Variants in WIPF1 observed in about 807,000 individuals in gnomAD.
WIPF1 encodes the protein WAS/WASL-interacting protein family member 1.
WIPF1 carries 13 observed loss-of-function variants against 35.4 expected under a neutral mutation model. The observed-to-expected ratio is 0.37, with a 90% CI of 0.24 to 0.58. The LOEUF (loss-of-function observed/expected upper bound fraction) is 0.58. WIPF1 is among the 20% of genes least tolerant of loss of function. The pLI, the probability that WIPF1 is intolerant of heterozygous loss-of-function variation, is 0.74. For synonymous variants in WIPF1, 267 were observed against 266.3 expected (o/e 1.00, Z -0.02); for missense variants, 591 against 667.0 (o/e 0.89, Z 1.25).
chr2:174,672,100 G>A (rs1309124123), intron 1 of WIPF1, among the ~76,000 whole-genome samples: 5 of 151,878 alleles, frequency 3.3e-5, no homozygotes, highest in African/African-American at 4.8e-5. Context: ...TCTCTCTTTT[G>A]TACTCTTTCC....
intron 4 of WIPF1, chr2:174,574,833 A>G: frequency 1.4e-6 from 1 of 716,026 alleles, no homozygotes; most frequent in South Asian, 1.5e-5. Flanking sequence ...ACTCTACTAG[A>G]CAGCTGGGCT....
At chr2:174,607,126 G>GACCT (rs909173605) in intron 1 of WIPF1, among the ~76,000 whole-genome samples, 2 of 152,188 alleles carry the variant, frequency 1.3e-5, no homozygotes, top group African/African-American at 4.8e-5. Flanking sequence ...GAGCACTCAG[G>GACCT]ACCTAATCAT....
chr2:174,648,193 AACATTGT>A (rs1687458132), intron 1 of WIPF1, among the ~76,000 whole-genome samples: 1 of 152,212 alleles, frequency 6.6e-6, no homozygotes, highest in African/African-American at 2.4e-5. Flanking sequence ...ATGAATGGGG[AACATTGT>A]ACGTTGTATA....
chr2:174,666,561 A>G (rs1687896043), intron 1 of WIPF1, among the ~76,000 whole-genome samples: 1 of 152,222 alleles, frequency 6.6e-6, no homozygotes, highest in Non-Finnish European at 1.5e-5. Flanking sequence ...ATTAGTTTAC[A>G]TTGGAGCTGG....
intron 1 of WIPF1, among the ~76,000 whole-genome samples, chr2:174,661,815 G>A (rs1687766708): frequency 6.6e-6 from 1 of 152,148 alleles, no homozygotes; most frequent in African/African-American, 2.4e-5. Context: ...AGGAGCAAGG[G>A]TGACCACCTT....
intron 1 of WIPF1, among the ~76,000 whole-genome samples, chr2:174,607,722 C>T (rs1465260077): frequency 6.6e-6 from 1 of 152,046 alleles, no homozygotes; most frequent in Non-Finnish European, 1.5e-5. Context: ...TGGCTGCTCC[C>T]CTCACTCCAC....
intron 5 of WIPF1, among the ~76,000 whole-genome samples, chr2:174,570,272 A>G (rs1197966058): frequency 2.6e-5 from 4 of 152,244 alleles, no homozygotes; most frequent in African/African-American, 7.2e-5. Context: ...AGCAAACAAT[A>G]TATGTAGTGG....
intron 1 of WIPF1, among the ~76,000 whole-genome samples, chr2:174,614,537 A>G (rs1407942058): frequency 2.0e-5 from 3 of 152,166 alleles, no homozygotes; most frequent in Non-Finnish European, 2.9e-5. Context: ...CACAATTCCT[A>G]TCATTATTCC....
At chr2:174,637,258 G>A (rs537407088) in intron 1 of WIPF1, among the ~76,000 whole-genome samples, 7 of 151,140 alleles carry the variant, frequency 4.6e-5, no homozygotes, top group African/African-American at 9.7e-5. Context: ...TTGTTTTTAA[G>A]TACTTCCTCA....
At chr2:174,667,538 T>TGAGGATCCCTGGTCATTGTTTTGC (rs1338812322) in intron 1 of WIPF1, among the ~76,000 whole-genome samples, 2 of 152,220 alleles carry the variant, frequency 1.3e-5, no homozygotes, top group African/African-American at 4.8e-5. Flanking sequence ...GTCTTGCCTG[T>TGAGGATCCCTGGTCATTGTTTTGC]GAGGATCCCT....
intron 1 of WIPF1, among the ~76,000 whole-genome samples, chr2:174,675,700 A>C (rs1688114447): frequency 6.6e-6 from 1 of 152,180 alleles, no homozygotes; most frequent in Admixed American, 6.5e-5. Flanking sequence ...TCATATTTTC[A>C]GCAAAAACAT....
chr2:174,600,912 C>CGT (rs1187567460), upstream of WIPF1, among the ~76,000 whole-genome samples: 6 of 65,428 alleles, frequency 9.2e-5, no homozygotes, highest in East Asian at 9.0e-4. Flanking sequence ...CATAATGTTC[C>CGT]TTTTTTTTTT....
At chr2:174,596,064 G>A (rs1369634879) in intron 1 of WIPF1, among the ~76,000 whole-genome samples, 1 of 152,166 alleles carries the variant, frequency 6.6e-6, no homozygotes, top group Non-Finnish European at 1.5e-5. Flanking sequence ...CCAGCCTACA[G>A]GCCAGATTTA....
chr2:174,673,060 G>A (rs1688054606), intron 1 of WIPF1, among the ~76,000 whole-genome samples: 1 of 152,134 alleles, frequency 6.6e-6, no homozygotes, highest in Non-Finnish European at 1.5e-5. Context: ...AGCATATGGG[G>A]GCCTCAAAAA....
chr2:174,565,561 C>T (rs1040818953), intron 7 of WIPF1, among the ~76,000 whole-genome samples: 1 of 152,210 alleles, frequency 6.6e-6, no homozygotes, highest in African/African-American at 2.4e-5. Context: ...TCTGTCACTT[C>T]TCTCCCATGT....
In WIPF1 at chr2:174,645,726, G is replaced by T. The variant is rs143342580; in HGVS notation, c.-39+37048C>A. On this transcript the variant is annotated intron_variant, in intron 1 of 8. Coordinates refer to the WIPF1 transcript ENST00000272746. ...AAATTCTCAAGCCCTTTGACCAGCT[G>T]TCTTCAAAGCTAGAGCCCTACCTAG... 8.0e-3 allele frequency among the ~76,000 whole-genome samples: 1,224 copies of T among 152,344 alleles called. 4 individuals are homozygous for T. The highest frequency in any genetic ancestry group is 0.014 in the Non-Finnish European group (924 of 68,032).
chr2:174,576,701 T>A (rs890565595), intron 3 of WIPF1, among the ~76,000 whole-genome samples: 4 of 152,232 alleles, frequency 2.6e-5, no homozygotes, highest in Admixed American at 2.6e-4. Flanking sequence ...TTACTTTCCA[T>A]TGTCTTTGAG....
At chr2:174,591,580 C>T (rs990243213) in intron 1 of WIPF1, among the ~76,000 whole-genome samples, 1 of 151,908 alleles carries the variant, frequency 6.6e-6, no homozygotes, top group African/African-American at 2.4e-5. Context: ...ATAACCCTTT[C>T]GTAAGGAACT....
intron 1 of WIPF1, among the ~76,000 whole-genome samples, chr2:174,613,983 A>T (rs965790538): frequency 9.8e-5 from 15 of 152,334 alleles, no homozygotes; most frequent in South Asian, 4.1e-4. Context: ...AGCCCTATTT[A>T]AAAAAGCTGC....
Sources: gnomAD v4.1 joint callset for allele counts (sites outside exome capture counted in the v4.1 genomes callset) on GRCh38, gnomAD v4.1.1 for gene constraint, MANE v1.5 for transcripts, NCBI Gene and HGNC (gene_info 2026-07-23, HGNC 2026-07-21) for gene names.